The following NRXN1 variants were observed in gnomAD, a reference collection of about 807,000 sequenced individuals.
NRXN1 encodes neurexin 1.
Under a neutral mutation model 150.9 loss-of-function variants are expected in NRXN1, and 39 were observed. The ratio of observed to expected loss-of-function variants is 0.26; its 90% CI spans 0.20 to 0.34. The LOEUF (loss-of-function observed/expected upper bound fraction) is 0.34, where lower values mean the gene tolerates loss of function less well. NRXN1 is among the 10% of genes least tolerant of loss of function. The pLI is 1.00. For synonymous variants in NRXN1, 924 were observed against 757.0 expected, an observed-to-expected ratio of 1.22 and a Z score of -3.62; for missense variants, 1,815 against 1,949.9, an observed-to-expected ratio of 0.93 and a Z score of 1.30.
At chr2:50,486,522 G>A (rs930926237) in intron 15 of NRXN1, among the ~76,000 whole-genome samples, 1 of 152,104 alleles carries the variant, frequency 6.6e-6, no homozygotes, top group Non-Finnish European at 1.5e-5. Context: ...ACTGTCAAAG[G>A]GCTGTTGTGT....
chr2:50,073,707 T>G (rs377208675), intron 19 of NRXN1, among the ~76,000 whole-genome samples: 1 of 152,134 alleles, frequency 6.6e-6, no homozygotes, highest in Non-Finnish European at 1.5e-5. Flanking sequence ...TTTGTAGAGA[T>G]AGTCAACAAT....
chr2:50,607,992 C>T (rs1042335750), intron 8 of NRXN1, among the ~76,000 whole-genome samples: 9 of 151,914 alleles, frequency 5.9e-5, no homozygotes, highest in Non-Finnish European at 1.3e-4. Context: ...TGACTTCCAT[C>T]TCCAGAAAGA....
chr2:50,175,578 T>C (rs1355179973), intron 18 of NRXN1, among the ~76,000 whole-genome samples: 1 of 152,070 alleles, frequency 6.6e-6, no homozygotes, highest in African/African-American at 2.4e-5. Flanking sequence ...AAAGAATATA[T>C]GTGGATAGAA....
chr2:50,618,273 T>C (rs1053692939), intron 8 of NRXN1, among the ~76,000 whole-genome samples: 1 of 152,196 alleles, frequency 6.6e-6, no homozygotes, highest in Non-Finnish European at 1.5e-5. Context: ...ATACCTGATA[T>C]GCTTTCTCCA....
chr2:50,150,996 T>G (rs1391611037), intron 18 of NRXN1, among the ~76,000 whole-genome samples: 1 of 151,730 alleles, frequency 6.6e-6, no homozygotes, highest in African/African-American at 2.4e-5. Context: ...TTCAAAAAAC[T>G]CAGATTTGTT....
At chr2:50,383,872 A>G (rs1264817699) in intron 17 of NRXN1, among the ~76,000 whole-genome samples, 1 of 152,198 alleles carries the variant, frequency 6.6e-6, no homozygotes, top group Non-Finnish European at 1.5e-5. Context: ...GGAAAGTACT[A>G]CAAAAAGACC....
intron 5 of NRXN1, among the ~76,000 whole-genome samples, chr2:50,767,230 T>C (rs1318159375): frequency 6.6e-6 from 1 of 152,060 alleles, no homozygotes; most frequent in Non-Finnish European, 1.5e-5. Context: ...CCTTAGGTTG[T>C]GCAGTGGTAG....
At chr2:50,697,682 T>C (rs1693126738) in intron 5 of NRXN1, among the ~76,000 whole-genome samples, 1 of 152,220 alleles carries the variant, frequency 6.6e-6, no homozygotes, top group African/African-American at 2.4e-5. Context: ...TTAGATTACA[T>C]CATTCTTTTC....
At chr2:50,353,601 A>G (rs2078577714) in intron 17 of NRXN1, among the ~76,000 whole-genome samples, 1 of 152,140 alleles carries the variant, frequency 6.6e-6, no homozygotes, top group Non-Finnish European at 1.5e-5. Flanking sequence ...ACCATTTCTA[A>G]AATCTATTAA....
intron 5 of NRXN1, among the ~76,000 whole-genome samples, chr2:50,709,866 A>T (rs1479277215): frequency 6.6e-6 from 1 of 152,190 alleles, no homozygotes; most frequent in African/African-American, 2.4e-5. Context: ...TTCCTCTAAG[A>T]TCACAAGGCT....
At chr2:49,933,083 A>ATTTTTG (rs1236272527) in intron 22 of NRXN1, among the ~76,000 whole-genome samples, 1 of 151,484 alleles carries the variant, frequency 6.6e-6, no homozygotes, top group East Asian at 1.9e-4. Context: ...TTGTTTGTTT[A>ATTTTTG]TTTTTGTTTT....
chr2:50,346,587 G>A lies in NRXN1; in HGVS notation c.3365-109617C>T. On this transcript the variant is annotated intron_variant, in intron 17 of 22. Coordinates refer to ENST00000401669, the MANE Select transcript of NRXN1 (RefSeq NM_001330078.2). The surrounding 1 kb of genome is among the most constrained non-coding windows in gnomAD (Gnocchi z 5.0). ...GCACACCCAAATGCACCTCCCTTTT[G>A]TCGAGCTCCCATTTCTCTGAGCCTT... 1 of 1,245,114 alleles carries A rather than the reference G, an allele frequency of 8.0e-7. No individual in the cohort carries two copies. Among genetic ancestry groups the A allele is most frequent in the East Asian group, 2.4e-5 (1 of 40,872 alleles). The allele number at this position is 1,245,114 out of a possible 1,614,324, so 77.1% of individuals were successfully genotyped here. A position where few individuals can be genotyped will look rare whatever the true frequency, so the allele number is the denominator to read the frequency against.
chr2:50,235,571 T>C (rs1022502108), intron 18 of NRXN1, among the ~76,000 whole-genome samples: 1 of 152,070 alleles, frequency 6.6e-6, no homozygotes, highest in African/African-American at 2.4e-5. Flanking sequence ...AACAGAGAAT[T>C]AAAAACTTGT....
chr2:50,966,855 T>C (rs1033032946), intron 2 of NRXN1, among the ~76,000 whole-genome samples: 1 of 151,820 alleles, frequency 6.6e-6, no homozygotes, highest in African/African-American at 2.4e-5. Flanking sequence ...GTTTAAAAAG[T>C]GAACAACAAG....
chr2:50,905,885 T>A (rs1558397871), intron 5 of NRXN1, among the ~76,000 whole-genome samples: 1 of 152,160 alleles, frequency 6.6e-6, no homozygotes, highest in Non-Finnish European at 1.5e-5. Flanking sequence ...CTTAAATATT[T>A]AACACTATTG....
intron 21 of NRXN1, among the ~76,000 whole-genome samples, chr2:49,995,988 T>C (rs1682928595): frequency 6.6e-6 from 1 of 151,926 alleles, no homozygotes; most frequent in Non-Finnish European, 1.5e-5. Flanking sequence ...CAATGAATAT[T>C]TACTGAGCAT....
chr2:50,826,331 T>C (rs1485411343), intron 5 of NRXN1, among the ~76,000 whole-genome samples: 1 of 151,996 alleles, frequency 6.6e-6, no homozygotes, highest in African/African-American at 2.4e-5. Context: ...TAGGAACAAC[T>C]TAAAGTATGT....
intron 17 of NRXN1, among the ~76,000 whole-genome samples, chr2:50,257,788 A>C (rs1416412333): frequency 1.3e-5 from 2 of 152,024 alleles, no homozygotes; most frequent in African/African-American, 4.8e-5. Flanking sequence ...GAGAAAAGAG[A>C]CTATCCAAAA....
intron 17 of NRXN1, among the ~76,000 whole-genome samples, chr2:50,419,133 C>T (rs2083774436): frequency 6.6e-6 from 1 of 151,988 alleles, no homozygotes; most frequent in Non-Finnish European, 1.5e-5. Context: ...ATCAGATGTT[C>T]CCATTTGATC....
Sources: allele counts gnomAD v4.1 joint callset (sites outside exome capture counted in the v4.1 genomes callset), GRCh38; gene constraint gnomAD v4.1.1; non-coding constraint Gnocchi (gnomAD v3.1); transcripts MANE v1.5; gene names NCBI Gene and HGNC (gene_info 2026-07-23, HGNC 2026-07-21).